The following ZMYM2 variants were observed in gnomAD, a reference collection of about 807,000 sequenced individuals.
ZMYM2 encodes the protein zinc finger MYM-type protein 2.
ZMYM2 carries 56 observed loss-of-function variants against 162.8 expected under a neutral mutation model. The observed-to-expected ratio is 0.34, with a 90% CI of 0.28 to 0.43. The LOEUF (loss-of-function observed/expected upper bound fraction) is 0.43, where lower values mean the gene tolerates loss of function less well. ZMYM2 is among the 20% of genes least tolerant of loss of function. ZMYM2 has a pLI of 1.00. For missense variants in ZMYM2, 1,275 were observed against 1,621.8 expected, an observed-to-expected ratio of 0.79 and a Z score of 3.67; for synonymous variants, 510 against 541.6, an observed-to-expected ratio of 0.94 and a Z score of 0.81.
At chr13:19,969,931 T>C in intron 2 of ZMYM2, 1 of 550,064 alleles carries the variant, frequency 1.8e-6, no homozygotes, top group Non-Finnish European at 2.3e-6. Flanking sequence ...AGTAATAGTC[T>C]GTATTAGAGA....
At chr13:19,884,553 A>G in the ZMYM2 span, among the ~76,000 whole-genome samples, 1 of 152,092 alleles carries the variant, frequency 6.6e-6, no homozygotes, top group Non-Finnish European at 1.5e-5. Context: ...AGCCCGGGCA[A>G]CAGAGAAGGA....
chr13:19,999,762 A>G (rs1950260990), intron 3 of ZMYM2, among the ~76,000 whole-genome samples: 1 of 152,224 alleles, frequency 6.6e-6, no homozygotes, highest in South Asian at 2.1e-4. Flanking sequence ...GAAGGAAATT[A>G]AAACTGCTAC....
At chr13:19,908,004 G>T in the ZMYM2 span, among the ~76,000 whole-genome samples, 1 of 151,928 alleles carries the variant, frequency 6.6e-6, no homozygotes, top group African/African-American at 2.4e-5. Context: ...TAAGAATTTT[G>T]CAGCCAGCCG....
At chr13:20,075,614 C>T (rs1957428538) in intron 21 of ZMYM2, among the ~76,000 whole-genome samples, 1 of 145,236 alleles carries the variant, frequency 6.9e-6, no homozygotes, top group Admixed American at 6.8e-5. Flanking sequence ...CACTGTTTTA[C>T]ATATGTGAAC....
At chr13:20,001,796 C>G (rs527930628) in intron 3 of ZMYM2, among the ~76,000 whole-genome samples, 2 of 152,306 alleles carry the variant, frequency 1.3e-5, no homozygotes, top group African/African-American at 4.8e-5. Context: ...GGGCCCTCCA[C>G]CAGCAGAAAG....
chr13:19,932,541 C>T, the ZMYM2 span, among the ~76,000 whole-genome samples: 10 of 151,854 alleles, frequency 6.6e-5, no homozygotes, highest in South Asian at 6.3e-4. Context: ...CCCAGCTACT[C>T]GGGAGGCTGA....
the ZMYM2 span, among the ~76,000 whole-genome samples, chr13:19,921,572 C>T: frequency 4.0e-5 from 6 of 151,758 alleles, no homozygotes; most frequent in South Asian, 2.1e-4. Flanking sequence ...TAAATTTTGT[C>T]GTTAAGCTGT....
chr13:20,017,247 G>T (rs948218946), intron 6 of ZMYM2, among the ~76,000 whole-genome samples: 26 of 152,316 alleles, frequency 1.7e-4, no homozygotes, highest in Admixed American at 5.9e-4. Context: ...ATTGTAGCCC[G>T]GCCAGGGTGG....
intron 6 of ZMYM2, among the ~76,000 whole-genome samples, chr13:20,010,199 G>T (rs769105814): frequency 2.6e-5 from 4 of 151,728 alleles, no homozygotes; most frequent in South Asian, 2.1e-4. Flanking sequence ...TGTTGTTGTT[G>T]TTTTTTTTAT....
chr13:20,031,507 C>T (rs1953133930), intron 10 of ZMYM2, 72 bp downstream of exon 10: 2 of 927,334 alleles, frequency 2.2e-6, no homozygotes, highest in Admixed American at 3.8e-5. Context: ...GTTGTATTTC[C>T]ATCTGGAAAC....
At chr13:19,955,780 C>A (rs1566139812), upstream of ZMYM2, among the ~76,000 whole-genome samples, 1 of 152,110 alleles carries the variant, frequency 6.6e-6, no homozygotes, top group Non-Finnish European at 1.5e-5. Flanking sequence ...TGCCACCATG[C>A]CCAGCCACAA....
the ZMYM2 span, among the ~76,000 whole-genome samples, chr13:19,919,622 A>T: frequency 6.7e-6 from 1 of 149,404 alleles, no homozygotes; most frequent in African/African-American, 2.5e-5. Context: ...TCATGTGCTT[A>T]TTGCCATCCA....
upstream of ZMYM2, among the ~76,000 whole-genome samples, chr13:19,954,901 G>A (rs1031668405): frequency 1.3e-5 from 2 of 151,520 alleles, no homozygotes; most frequent in Non-Finnish European, 2.9e-5. Context: ...ACCTCTGCCT[G>A]CCGGGTTCAA....
In ZMYM2 at chr13:20,085,849, T is replaced by A. The variant is rs956042078; in HGVS notation, c.3969T>A (p.Asp1323Glu). 3.7e-6 allele frequency: 6 copies of A among 1,611,704 alleles called. No homozygotes were observed. Among genetic ancestry groups the A allele is most frequent in the Non-Finnish European group, 5.1e-6 (6 of 1,178,776 alleles). ...CACAGAATCTTAATCAGAGGATGGA[T>A]GTTTTTTATTTGCAACCAGAATGCT... ...KSPQNLNQRM[D>E]VFYLQPECSS... Residue 1323 changes from aspartate to glutamate, a missense_variant, in exon 25 of 25, where the codon GAT (aspartate) becomes GAA (glutamate). Transcript: ENST00000610343.
intron 12 of ZMYM2, among the ~76,000 whole-genome samples, chr13:20,038,446 T>A (rs1011242874): frequency 6.6e-6 from 1 of 152,238 alleles, no homozygotes; most frequent in Non-Finnish European, 1.5e-5. Context: ...TTAATTTTTG[T>A]ATATGGTGTA....
intron 18 of ZMYM2, 120 bp downstream of exon 18, chr13:20,063,091 A>C: frequency 8.1e-7 from 1 of 1,235,132 alleles, no homozygotes; most frequent in Non-Finnish European, 1.1e-6. Context: ...TATTCTTGTT[A>C]TTTTTTAAAC....
intron 12 of ZMYM2, among the ~76,000 whole-genome samples, chr13:20,046,079 A>G (rs992514421): frequency 9.1e-6 from 1 of 109,738 alleles, no homozygotes; most frequent in Non-Finnish European, 1.8e-5. Context: ...CCATCTCTGC[A>G]AAAAAAAAAA....
At chr13:20,001,874 T>G (rs1950416806) in intron 3 of ZMYM2, among the ~76,000 whole-genome samples, 2 of 152,256 alleles carry the variant, frequency 1.3e-5, no homozygotes, top group Non-Finnish European at 1.5e-5. Flanking sequence ...AATTAAGATG[T>G]AGATTTTAAA....
In ZMYM2 at chr13:20,064,639, T is replaced by C. The variant is rs910544112; in HGVS notation, c.3132+94T>C. ...GTGTGCCTGAGAATATGGGAACATA[T>C]TTTGTTTTCTAGGTTGGAAAATAAT... On this transcript the variant is annotated intron_variant, in intron 19 of 24. Transcript: ENST00000610343. The C allele has an allele frequency of 7.6e-6, 7 of 918,348 alleles. No homozygotes were observed. In the East Asian group the frequency reaches 2.0e-4, roughly 26 times the overall value. 56.9% of individuals were successfully genotyped at this position (918,348 alleles called of 1,614,324 possible). A position where few individuals can be genotyped will look rare whatever the true frequency, so the allele number is the denominator to read the frequency against.
Sources: gnomAD v4.1 joint callset for allele counts (sites outside exome capture counted in the v4.1 genomes callset) on GRCh38, gnomAD v4.1.1 for gene constraint, MANE v1.5 for transcripts, NCBI Gene and HGNC (gene_info 2026-07-23, HGNC 2026-07-21) for gene names.